TUSC3: variants seen among roughly 807,000 people sequenced by gnomAD.
The protein encoded by TUSC3 is tumor suppressor candidate 3, also known as dolichyl-diphosphooligosaccharide--protein glycosyltransferase subunit TUSC3.
A neutral mutation model predicts 44.8 loss-of-function variants in TUSC3; 45 were observed. The observed-to-expected ratio is 1.00, with a 90% CI of 0.79 to 1.29. The LOEUF (loss-of-function observed/expected upper bound fraction) is 1.29. Among genes scored for constraint, TUSC3 ranks in the 50% most tolerant of loss-of-function variants. The pLI is 0.00. For synonymous variants in TUSC3, 212 were observed against 152.9 expected (o/e 1.39, Z -2.85); for missense variants, 519 against 437.9 (o/e 1.19, Z -1.65).
intron 6 of TUSC3, among the ~76,000 whole-genome samples, chr8:15,697,215 A>G (rs1487688847): frequency 1.3e-5 from 2 of 151,756 alleles, no homozygotes; most frequent in Non-Finnish European, 2.9e-5. Flanking sequence ...TTTTATTTAT[A>G]TTTTCAAAGA....
chr8:15,730,783 T>C, intron 7 of TUSC3, 54 bp downstream of exon 7: 1 of 1,562,242 alleles, frequency 6.4e-7, no homozygotes, highest in African/African-American at 1.4e-5. Context: ...GCTACATGTT[T>C]TTAAATTGAC....
Position 15,428,647 on chromosome 8 carries a change from G to T in TUSC3, n.91+11342G>T, listed in dbSNP as rs555502292. The stretch of plus-strand genomic sequence containing the variant: ...CCAGCACCTGTTGTTTCCTGACTTT[G>T]TAATGATCGCCATTCTAACTGGTGT... On this transcript the variant is annotated intron_variant and non_coding_transcript_variant, in intron 1 of 5. Coordinates refer to the TUSC3 transcript ENST00000503191. 7.9e-3 allele frequency among the ~76,000 whole-genome samples: 1,199 copies of T among 152,198 alleles called. 20 individuals are homozygous for T. Among genetic ancestry groups the T allele is most frequent in the African/African-American group, 0.027 (1,130 of 41,532 alleles).
chr8:15,740,992 A>C (rs548243162), intron 7 of TUSC3, among the ~76,000 whole-genome samples: 1 of 152,354 alleles, frequency 6.6e-6, no homozygotes. Flanking sequence ...CATGTTACTC[A>C]TAGTTTTCAA....
the TUSC3 span, among the ~76,000 whole-genome samples, chr8:15,783,471 A>G: frequency 3.3e-5 from 5 of 152,280 alleles, no homozygotes; most frequent in South Asian, 8.3e-4. Context: ...TCATTTCAAA[A>G]TATATTACAA....
the TUSC3 span, among the ~76,000 whole-genome samples, chr8:15,843,254 T>C: frequency 6.6e-6 from 1 of 152,144 alleles, no homozygotes; most frequent in Non-Finnish European, 1.5e-5. Context: ...TAATGGGTGA[T>C]CTGTACAACA....
intron 6 of TUSC3, among the ~76,000 whole-genome samples, chr8:15,678,432 A>T (rs556498549): frequency 6.6e-6 from 1 of 152,312 alleles, no homozygotes; most frequent in African/African-American, 2.4e-5. Context: ...GGAAAAAAAT[A>T]ATGAAAAAAC....
intron 1 of TUSC3, among the ~76,000 whole-genome samples, chr8:15,445,824 T>C (rs1001608056): frequency 6.6e-6 from 1 of 152,232 alleles, no homozygotes; most frequent in Non-Finnish European, 1.5e-5. Context: ...CTCAATGAGC[T>C]GTTGGGTACA....
chr8:15,713,392 T>C (rs1000992742), intron 6 of TUSC3, among the ~76,000 whole-genome samples: 2 of 152,186 alleles, frequency 1.3e-5, no homozygotes, highest in African/African-American at 4.8e-5. Flanking sequence ...TTACTGTCAT[T>C]GTTCAAAAGA....
chr8:15,847,049 A>G, the TUSC3 span, among the ~76,000 whole-genome samples: 1 of 152,144 alleles, frequency 6.6e-6, no homozygotes, highest in African/African-American at 2.4e-5. Flanking sequence ...AGTCCATAAC[A>G]GCACAGAATA....
At chr8:15,476,066 T>G (rs1246851185) in intron 1 of TUSC3, among the ~76,000 whole-genome samples, 1 of 152,196 alleles carries the variant, frequency 6.6e-6, no homozygotes, top group Non-Finnish European at 1.5e-5. Context: ...ACTTAGAAAT[T>G]TCATTCTGAA....
intron 1 of TUSC3, among the ~76,000 whole-genome samples, chr8:15,483,069 C>G (rs895753756): frequency 1.3e-5 from 2 of 152,014 alleles, no homozygotes; most frequent in African/African-American, 2.4e-5. Flanking sequence ...AGAAAATATT[C>G]CTCTATTCAT....
chr8:15,849,347 G>C, the TUSC3 span, among the ~76,000 whole-genome samples: 4 of 152,058 alleles, frequency 2.6e-5, no homozygotes, highest in African/African-American at 9.7e-5. Flanking sequence ...TCCCAGTGGG[G>C]AGTTGCACAG....
chr8:15,688,755 C>T (rs760953165), intron 6 of TUSC3, among the ~76,000 whole-genome samples: 1 of 152,112 alleles, frequency 6.6e-6, no homozygotes, highest in Non-Finnish European at 1.5e-5. Context: ...AGGGAGGACA[C>T]AGTTGAAGGA....
chr8:15,764,166 C>T, intron 10 of TUSC3, 37 bp from the exon 11 acceptor site: 1 of 1,561,548 alleles, frequency 6.4e-7, no homozygotes, highest in Admixed American at 1.7e-5. Flanking sequence ...TCCTTATGTT[C>T]TATGTTCAGC....
At chr8:15,805,952 T>A in the TUSC3 span, among the ~76,000 whole-genome samples, 1 of 152,266 alleles carries the variant, frequency 6.6e-6, no homozygotes, top group East Asian at 1.9e-4. Flanking sequence ...CATGTTTACT[T>A]AAGTGTCAAA....
chr8:15,420,699 A>G (rs567945650), intron 1 of TUSC3, among the ~76,000 whole-genome samples: 2 of 151,926 alleles, frequency 1.3e-5, no homozygotes, highest in Non-Finnish European at 2.9e-5. Context: ...CACTCCTACA[A>G]AGTACCTCTC....
the TUSC3 span, among the ~76,000 whole-genome samples, chr8:15,842,249 TGCATCCCGA>T: frequency 2.0e-5 from 3 of 152,114 alleles, no homozygotes; most frequent in Admixed American, 6.6e-5. Flanking sequence ...GGGTTAGAAG[TGCATCCCGA>T]CTGATTATGA....
chr8:15,813,633 A>G, the TUSC3 span, among the ~76,000 whole-genome samples: 2 of 152,224 alleles, frequency 1.3e-5, no homozygotes, highest in Admixed American at 1.3e-4. Context: ...GAAATGTGTC[A>G]TTTTTATATA....
chr8:15,643,409 TG>T (rs1806474827), intron 2 of TUSC3, among the ~76,000 whole-genome samples: 2 of 126,436 alleles, frequency 1.6e-5, no homozygotes, highest in Admixed American at 7.6e-5. Context: ...TACTGTTAGT[TG>T]TTTTTTTTTT....
Sources: gnomAD v4.1 joint callset for allele counts (sites outside exome capture counted in the v4.1 genomes callset) on GRCh38, gnomAD v4.1.1 for gene constraint, MANE v1.5 for transcripts, NCBI Gene and HGNC (gene_info 2026-07-23, HGNC 2026-07-21) for gene names.